The following PLCL1 variants were observed in gnomAD, a reference collection of about 807,000 sequenced individuals.
PLCL1 encodes inactive phospholipase C-like protein 1.
PLCL1 carries 41 observed loss-of-function variants against 84.4 expected under a neutral mutation model. That is an observed-to-expected ratio of 0.49 (90% CI 0.38 to 0.63). PLCL1 has a LOEUF of 0.63. PLCL1 is among the 30% of genes least tolerant of loss of function. The pLI, the probability that PLCL1 is intolerant of heterozygous loss-of-function variation, is 0.00. For missense variants in PLCL1, 1,206 were observed against 1,367.8 expected (o/e 0.88, Z 1.87); for synonymous variants, 490 against 488.3 (o/e 1.00, Z -0.05).
At chr2:197,831,254 G>T (rs1691053071) in intron 1 of PLCL1, among the ~76,000 whole-genome samples, 2 of 152,058 alleles carry the variant, frequency 1.3e-5, no homozygotes, top group Admixed American at 1.3e-4. Context: ...ACCCATCAGT[G>T]TGCTGTATTC....
intron 1 of PLCL1, among the ~76,000 whole-genome samples, chr2:198,044,228 A>C (rs902989951): frequency 6.6e-6 from 1 of 152,122 alleles, no homozygotes; most frequent in Admixed American, 6.6e-5. Flanking sequence ...TTCCCCTTCC[A>C]CACATTCAAC....
chr2:197,940,269 T>C (rs1311464518), intron 1 of PLCL1, among the ~76,000 whole-genome samples: 2 of 152,200 alleles, frequency 1.3e-5, no homozygotes. Flanking sequence ...CTTATAGTCC[T>C]TTTTTGCTTA....
chr2:197,939,161 A>G (rs1365868401), intron 1 of PLCL1, among the ~76,000 whole-genome samples: 1 of 152,168 alleles, frequency 6.6e-6, no homozygotes, highest in African/African-American at 2.4e-5. Context: ...TTTCTTGATT[A>G]CATCCATTTA....
chr2:198,067,044 ACT>A (rs1553515601), intron 1 of PLCL1, among the ~76,000 whole-genome samples: 1 of 151,822 alleles, frequency 6.6e-6, no homozygotes, highest in Non-Finnish European at 1.5e-5. Context: ...CTAAATTGGG[ACT>A]CCATAAATAT....
chr2:197,925,041 C>A (rs4850816), intron 1 of PLCL1, among the ~76,000 whole-genome samples: 74,154 of 151,880 alleles, frequency 0.49, 19,010 homozygotes, highest in East Asian at 0.77. Flanking sequence ...TATAAATGAA[C>A]AGATTAAGAA....
chr2:198,049,884 G>C (rs73061079), intron 1 of PLCL1, among the ~76,000 whole-genome samples: 4,671 of 152,298 alleles, frequency 0.031, 230 homozygotes, highest in African/African-American at 0.11. Context: ...ACAGCAAGAG[G>C]ATGCCAAGGA....
chr2:198,071,008 A>C, intron 1 of PLCL1: 1 of 909,060 alleles, frequency 1.1e-6, no homozygotes, highest in Non-Finnish European at 1.3e-6. Flanking sequence ...ATTGGAATAT[A>C]TTCTTCCAGA....
intron 5 of PLCL1, among the ~76,000 whole-genome samples, chr2:198,136,616 T>C (rs1694261868): frequency 6.6e-6 from 1 of 152,138 alleles, no homozygotes; most frequent in Non-Finnish European, 1.5e-5. Context: ...TCTGCCATCT[T>C]GGGCAGCCAG....
rs570012062 is a variant in PLCL1, at chr2:197,885,956, T to C, written c.240+80617T>C. Among the ~76,000 whole-genome samples, 17 of 152,300 alleles carry C rather than the reference T, an allele frequency of 1.1e-4. No homozygotes were observed. The East Asian group carries it at 3.1e-3, about 28-fold the overall frequency. On this transcript the variant is annotated intron_variant, in intron 1 of 5. Transcript: ENST00000428675. ...ATAGCTTCATGAGGGAAAGAGACTA[T>C]GGCCATAGTAGGAGTTCAGTAACTT...
At chr2:198,066,462 G>A (rs774086883) in intron 1 of PLCL1, among the ~76,000 whole-genome samples, 4 of 151,464 alleles carry the variant, frequency 2.6e-5, no homozygotes, top group Non-Finnish European at 5.9e-5. Flanking sequence ...TTCATCAGTA[G>A]CTCCTCAAAT....
At chr2:197,999,545 G>A (rs1036869084) in intron 1 of PLCL1, among the ~76,000 whole-genome samples, 17 of 152,142 alleles carry the variant, frequency 1.1e-4, no homozygotes, top group Non-Finnish European at 2.2e-4. Flanking sequence ...TGAATGTATA[G>A]CTACATGCTT....
chr2:197,870,432 C>G (rs1687630154), intron 1 of PLCL1, among the ~76,000 whole-genome samples: 1 of 152,064 alleles, frequency 6.6e-6, no homozygotes, highest in Admixed American at 6.6e-5. Context: ...CCCACCCACC[C>G]AAGACCCAGT....
At chr2:198,070,802 G>A (rs567342974) in intron 1 of PLCL1, among the ~76,000 whole-genome samples, 3 of 151,838 alleles carry the variant, frequency 2.0e-5, no homozygotes, top group Non-Finnish European at 4.4e-5. Flanking sequence ...TCTCTACAAA[G>A]TGTATCTATT....
intron 5 of PLCL1, among the ~76,000 whole-genome samples, chr2:198,105,535 C>T (rs1408243203): frequency 6.6e-6 from 1 of 150,802 alleles, no homozygotes; most frequent in East Asian, 2.0e-4. Context: ...ATGGTTTTTG[C>T]CTTAATAAGG....
intron 1 of PLCL1, among the ~76,000 whole-genome samples, chr2:197,818,602 C>T (rs1490100801): frequency 6.6e-6 from 1 of 152,132 alleles, no homozygotes; most frequent in East Asian, 1.9e-4. Context: ...CTTCTGGCTT[C>T]AAACAATCCT....
intron 1 of PLCL1, among the ~76,000 whole-genome samples, chr2:197,994,672 CTAAAT>C (rs1198293999): frequency 6.6e-6 from 1 of 152,102 alleles, no homozygotes; most frequent in Non-Finnish European, 1.5e-5. Context: ...TAAGGTGTGC[CTAAAT>C]TAAAGTTCAC....
At chr2:198,104,044 C>A in intron 5 of PLCL1, 108 bp downstream of exon 5, 2 of 525,254 alleles carry the variant, frequency 3.8e-6, no homozygotes, top group South Asian at 4.0e-5. Flanking sequence ...GATTTTTAAA[C>A]CTTCACTTTA....
At chr2:197,811,814 T>G (rs1000233032) in intron 1 of PLCL1, among the ~76,000 whole-genome samples, 3 of 152,214 alleles carry the variant, frequency 2.0e-5, no homozygotes, top group African/African-American at 7.2e-5. Context: ...TTTTTACTTC[T>G]TTTCTCTTGA....
At chr2:197,809,108 T>C (rs1427629396) in intron 1 of PLCL1, among the ~76,000 whole-genome samples, 1 of 152,172 alleles carries the variant, frequency 6.6e-6, no homozygotes, top group African/African-American at 2.4e-5. Flanking sequence ...TGGGTACCAG[T>C]AGACCCCTAT....
Sources: allele counts gnomAD v4.1 joint callset (sites outside exome capture counted in the v4.1 genomes callset), GRCh38; gene constraint gnomAD v4.1.1; transcripts MANE v1.5; gene names NCBI Gene and HGNC (gene_info 2026-07-23, HGNC 2026-07-21).